ZFHX3: variants seen among roughly 807,000 people sequenced by gnomAD.
ZFHX3 encodes zinc finger homeobox protein 3.
ZFHX3 carries 42 observed loss-of-function variants against 279.1 expected under a neutral mutation model. That is an observed-to-expected ratio of 0.15 (90% CI 0.12 to 0.19). The LOEUF is 0.19. Among genes scored for constraint, ZFHX3 ranks in the 10% least tolerant of loss-of-function variants. The pLI is 1.00. For synonymous variants in ZFHX3, 2,293 were observed against 1,957.8 expected, an observed-to-expected ratio of 1.17 and a Z score of -4.52; for missense variants, 4,981 against 4,754.0, an observed-to-expected ratio of 1.05 and a Z score of -1.40.
intron 3 of ZFHX3, among the ~76,000 whole-genome samples, chr16:73,442,039 G>C (rs552286677): frequency 2.0e-5 from 3 of 152,284 alleles, no homozygotes; most frequent in African/African-American, 7.2e-5. Context: ...TCTCCAGAGA[G>C]ACCTGGGTCA....
intron 1 of ZFHX3, among the ~76,000 whole-genome samples, chr16:73,771,511 G>T (rs2054017547): frequency 6.6e-6 from 1 of 152,212 alleles, no homozygotes. Context: ...GGCCTGCTTT[G>T]ACAGGTCTGG....
At chr16:73,072,508 C>A (rs1158071671) in intron 8 of ZFHX3, among the ~76,000 whole-genome samples, 1 of 151,352 alleles carries the variant, frequency 6.6e-6, no homozygotes, top group African/African-American at 2.4e-5. Flanking sequence ...CTACTAAGAC[C>A]TAGAGGTGGG....
At chr16:73,397,111 G>C (rs773854631) in intron 3 of ZFHX3, among the ~76,000 whole-genome samples, 1 of 152,172 alleles carries the variant, frequency 6.6e-6, no homozygotes, top group Non-Finnish European at 1.5e-5. Flanking sequence ...CATAGCCTTT[G>C]TTACTTACAT....
At chr16:73,797,219 C>T (rs1349625498) in intron 1 of ZFHX3, among the ~76,000 whole-genome samples, 2 of 142,032 alleles carry the variant, frequency 1.4e-5, no homozygotes, top group Non-Finnish European at 3.1e-5. Flanking sequence ...AACAAACAAA[C>T]AACAACAACA....
At chr16:73,313,474 T>C (rs972046772) in intron 4 of ZFHX3, among the ~76,000 whole-genome samples, 28 of 152,310 alleles carry the variant, frequency 1.8e-4, no homozygotes, top group African/African-American at 6.3e-4. Context: ...ATACAACTTA[T>C]TTACCATAAC....
At chr16:73,253,889 C>T (rs1365256496) in intron 5 of ZFHX3, among the ~76,000 whole-genome samples, 2 of 152,070 alleles carry the variant, frequency 1.3e-5, no homozygotes, top group Non-Finnish European at 2.9e-5. Flanking sequence ...CCTTAAAAGG[C>T]AGGTTAGAAA....
intron 2 of ZFHX3, among the ~76,000 whole-genome samples, chr16:73,584,426 C>G (rs542911202): frequency 1.3e-5 from 2 of 152,276 alleles, no homozygotes; most frequent in East Asian, 3.9e-4. Flanking sequence ...AGACAGCTGA[C>G]TGCTGATCAT....
intron 1 of ZFHX3, among the ~76,000 whole-genome samples, chr16:73,714,114 G>A (rs950006306): frequency 1.3e-5 from 2 of 152,144 alleles, no homozygotes; most frequent in African/African-American, 4.8e-5. Context: ...TCCCTAGGAT[G>A]CTCAGTATTA....
intron 1 of ZFHX3, among the ~76,000 whole-genome samples, chr16:72,966,871 T>C (rs1420737102): frequency 6.6e-6 from 1 of 152,160 alleles, no homozygotes; most frequent in Non-Finnish European, 1.5e-5. Context: ...TTATCACAGT[T>C]CCCAAATGGA....
intron 2 of ZFHX3, among the ~76,000 whole-genome samples, chr16:73,538,820 G>A (rs1452687439): frequency 6.6e-6 from 1 of 152,210 alleles, no homozygotes; most frequent in Admixed American, 6.5e-5. Flanking sequence ...TAACAATGCA[G>A]CACCATTTTC....
At chr16:73,739,219 C>A (rs1012319065) in intron 1 of ZFHX3, among the ~76,000 whole-genome samples, 2 of 152,244 alleles carry the variant, frequency 1.3e-5, no homozygotes, top group Non-Finnish European at 2.9e-5. Flanking sequence ...GACAGATACA[C>A]AGGAGTTGTG....
chr16:73,387,402 T>G (rs965851451), intron 3 of ZFHX3: 3 of 152,192 alleles, frequency 2.0e-5, no homozygotes, highest in Admixed American at 2.0e-4. Flanking sequence ...GACATTAGGC[T>G]TCTTATAAGA....
intron 2 of ZFHX3, among the ~76,000 whole-genome samples, chr16:73,640,353 C>T (rs1325454162): frequency 1.3e-5 from 2 of 152,142 alleles, no homozygotes; most frequent in South Asian, 2.1e-4. Flanking sequence ...GCCTTGCTCT[C>T]GAACACAGCA....
At chr16:73,890,467 T>C (rs947645796) in intron 1 of ZFHX3, among the ~76,000 whole-genome samples, 1 of 152,192 alleles carries the variant, frequency 6.6e-6, no homozygotes, top group Non-Finnish European at 1.5e-5. Flanking sequence ...ACACTGAATG[T>C]CAGAGATGAA....
Position 72,853,960 on chromosome 16 carries a change from AAAAAGAAAAG to A in ZFHX3, c.3449-24111_3449-24102del, listed in dbSNP as rs374264397. 4.6e-5 allele frequency among the ~76,000 whole-genome samples: 7 copies of A among 152,102 alleles called. No individual in the cohort carries two copies. In the East Asian group the frequency reaches 5.8e-4, roughly 13 times the overall value. On this transcript the variant is annotated intron_variant, in intron 4 of 9. Transcript: ENST00000268489. ...TTAGCATCCTTGAGAAGGAAAAAAA[AAAAAGAAAAG>A]AAAAGAAAAGAAAAAGCTTTGTGCA...
At chr16:73,533,559 A>G (rs1015692916) in intron 2 of ZFHX3, among the ~76,000 whole-genome samples, 1 of 151,790 alleles carries the variant, frequency 6.6e-6, no homozygotes, top group African/African-American at 2.4e-5. Context: ...GGAGTCCCAG[A>G]TTTGTATGCC....
intron 2 of ZFHX3, among the ~76,000 whole-genome samples, chr16:73,579,346 A>G (rs1053037604): frequency 2.0e-5 from 3 of 152,218 alleles, no homozygotes; most frequent in African/African-American, 7.2e-5. Context: ...ACATGTCATC[A>G]GGACCTCCTG....
chr16:73,682,912 GAAAGAGAGAAAGAGAA>G (rs2053032372), intron 1 of ZFHX3, among the ~76,000 whole-genome samples: 1 of 19,480 alleles, frequency 5.1e-5, no homozygotes, highest in Non-Finnish European at 1.2e-4. Context: ...GAAAGAGAAA[GAAAGAGAGAAAGAGAA>G]AGAAAGAAAG....
At chr16:73,569,305 G>A (rs16972185) in intron 2 of ZFHX3, among the ~76,000 whole-genome samples, 4,686 of 151,870 alleles carry the variant, frequency 0.031, 251 homozygotes, top group African/African-American at 0.11. Context: ...GCCCTGATAC[G>A]AAAACAGAAT....
Sources: gnomAD v4.1 joint callset for allele counts (sites outside exome capture counted in the v4.1 genomes callset) on GRCh38, gnomAD v4.1.1 for gene constraint, MANE v1.5 for transcripts, NCBI Gene and HGNC (gene_info 2026-07-23, HGNC 2026-07-21) for gene names.